The following ASXL2 variants were observed in gnomAD, a reference collection of about 807,000 sequenced individuals.
ASXL2 encodes ASXL transcriptional regulator 2.
A neutral mutation model predicts 122.0 loss-of-function variants in ASXL2; 23 were observed. The observed-to-expected ratio is 0.19, with a 90% CI of 0.14 to 0.27. The LOEUF is 0.27. ASXL2 is among the 10% of genes least tolerant of loss of function. The pLI is 1.00. For synonymous variants in ASXL2, 650 were observed against 637.0 expected (o/e 1.02, Z -0.31); for missense variants, 1,518 against 1,713.8 (o/e 0.89, Z 2.02).
rs1025415402 is a variant in ASXL2 at position 25,740,134 on chromosome 2, A to T, written c.*1895T>A. 4.9e-5 allele frequency: 11 copies of T among 223,922 alleles called. No individual in the cohort carries two copies. Among genetic ancestry groups the T allele is most frequent in the African/African-American group, 2.0e-4 (9 of 44,876 alleles). 13.9% of individuals were successfully genotyped at this position (223,922 alleles called of 1,614,324 possible). Reference sequence around the variant, plus strand: ...ATGGACAGACATATCGTTCTGGCTGAAGCTGGAACACAGATATTAATCCTA... The same window carrying T: ...ATGGACAGACATATCGTTCTGGCTGTAGCTGGAACACAGATATTAATCCTA... On this transcript the variant is annotated 3_prime_UTR_variant, in exon 13 of 13. Coordinates refer to ENST00000435504, the MANE Select transcript of ASXL2 (RefSeq NM_018263.6).
intron 8 of ASXL2, among the ~76,000 whole-genome samples, chr2:25,767,341 T>C (rs897085648): frequency 1.3e-5 from 2 of 152,178 alleles, no homozygotes; most frequent in African/African-American, 2.4e-5. Flanking sequence ...AACATGAACA[T>C]AGTCAAGAGC....
At chr2:25,759,108 C>G (rs1455742767) in intron 9 of ASXL2, among the ~76,000 whole-genome samples, 1 of 152,174 alleles carries the variant, frequency 6.6e-6, no homozygotes, top group African/African-American at 2.4e-5. Context: ...GCGCCCACCA[C>G]CACGCCTGGC....
chr2:25,808,933 T>C (rs1178650270), intron 3 of ASXL2, among the ~76,000 whole-genome samples: 1 of 152,048 alleles, frequency 6.6e-6, no homozygotes, highest in Admixed American at 6.5e-5. Context: ...CCACACACTG[T>C]ATAGGCTGTC....
rs371611834 is a variant in ASXL2, at chr2:25,779,199, C to T, written c.404-7659G>A. Among the ~76,000 whole-genome samples the T allele has an allele frequency of 1.0e-4, 15 of 144,590 alleles. No homozygotes were observed. The East Asian group carries it at 2.3e-3, about 22-fold the overall frequency. 94.9% of individuals were successfully genotyped at this position (144,590 alleles called of 152,430 possible). On this transcript the variant is annotated intron_variant, in intron 5 of 12. Transcript: ENST00000435504. Reference sequence around the variant, plus strand: ...CTGCCTCCACTTGATTGGGTTCAATCAATTCTCCTGTCTCAGCCTCCCGAG... The same window carrying T: ...CTGCCTCCACTTGATTGGGTTCAATTAATTCTCCTGTCTCAGCCTCCCGAG...
chr2:25,760,539 C>T (rs2088223941), intron 8 of ASXL2, among the ~76,000 whole-genome samples: 1 of 152,188 alleles, frequency 6.6e-6, no homozygotes, highest in Non-Finnish European at 1.5e-5. Flanking sequence ...GAAAATCTAA[C>T]AATATCTAGC....
chr2:25,822,942 C>T (rs767994850), intron 3 of ASXL2: 38 of 526,874 alleles, frequency 7.2e-5, no homozygotes, highest in East Asian at 2.1e-4. Context: ...AATGCCAGAT[C>T]GGGAGTAAGG....
chr2:25,825,561 T>A (rs1363750606), intron 3 of ASXL2, among the ~76,000 whole-genome samples: 1 of 152,226 alleles, frequency 6.6e-6, no homozygotes, highest in Non-Finnish European at 1.5e-5. Flanking sequence ...TTTGTCTGGC[T>A]TATTTCACTT....
chr2:25,768,989 A>G (rs2088400314), intron 6 of ASXL2, 121 bp from the exon 7 acceptor site: 6 of 1,197,424 alleles, frequency 5.0e-6, no homozygotes, highest in Admixed American at 2.8e-5. Flanking sequence ...GAAATCTATC[A>G]AAGCAAACAA....
At chr2:25,775,932 T>A (rs1453027760) in intron 5 of ASXL2, among the ~76,000 whole-genome samples, 1 of 152,228 alleles carries the variant, frequency 6.6e-6, no homozygotes, top group Non-Finnish European at 1.5e-5. Flanking sequence ...TTATTCTCTG[T>A]TTTCTTTTAA....
rs2087808526 is a variant in ASXL2 at position 25,740,383 on chromosome 2, G to GA, written c.*1645_*1646insT. On this transcript the variant is annotated 3_prime_UTR_variant, in exon 13 of 13. Transcript: ENST00000435504. ...TGACTTAACAAGTTTAAACTGTTCTGCATTTTGTAAATATCACATCCTGAA... is the reference window on the plus strand; with the variant it reads ...TGACTTAACAAGTTTAAACTGTTCTGACATTTTGTAAATATCACATCCTGAA... 2 of 225,088 alleles carry GA rather than the reference G, an allele frequency of 8.9e-6. No homozygotes were observed. The highest frequency in any genetic ancestry group is 3.6e-4 in the South Asian group (2 of 5,480). 13.9% of individuals were successfully genotyped at this position (225,088 alleles called of 1,614,324 possible). A position where few individuals can be genotyped will look rare whatever the true frequency, so the allele number is the denominator to read the frequency against.
At chr2:25,795,310 A>G (rs570221455) in intron 5 of ASXL2, among the ~76,000 whole-genome samples, 1 of 152,294 alleles carries the variant, frequency 6.6e-6, no homozygotes, top group South Asian at 2.1e-4. Context: ...CTCAAAAACA[A>G]TTGGACCCAA....
rs1200194526 is a variant in ASXL2 at position 25,756,475 on chromosome 2, A to G, written c.940-361T>C. The stretch of plus-strand genomic sequence containing the variant: ...TGACAAAAAAAAAAAGAAAAAAAAA[A>G]GAAAAAAAAAAAAGAAGGATGGACT... On this transcript the variant is annotated intron_variant, in intron 9 of 12. Coordinates refer to ENST00000435504, the MANE Select transcript of ASXL2 (RefSeq NM_018263.6). Among the ~76,000 whole-genome samples the G allele has an allele frequency of 3.1e-3, 454 of 146,368 alleles. 4 individuals carry two copies. The highest frequency in any genetic ancestry group is 0.011 in the African/African-American group (417 of 39,606).
intron 5 of ASXL2, among the ~76,000 whole-genome samples, chr2:25,795,481 T>TA (rs1177931699): frequency 6.6e-6 from 1 of 152,144 alleles, no homozygotes; most frequent in Non-Finnish European, 1.5e-5. Context: ...CTCAAATTCT[T>TA]AGAGACAGCC....
intron 5 of ASXL2, among the ~76,000 whole-genome samples, chr2:25,784,870 G>T (rs1283953015): frequency 6.6e-6 from 1 of 152,178 alleles, no homozygotes; most frequent in Non-Finnish European, 1.5e-5. Context: ...TGTACCAGAG[G>T]TTATGATTTC....
chr2:25,745,686 C>T (rs1269793106), intron 12 of ASXL2, among the ~76,000 whole-genome samples: 1 of 139,666 alleles, frequency 7.2e-6, no homozygotes, highest in African/African-American at 2.7e-5. Context: ...CTCTGTCACC[C>T]AGGCTGGAGT....
At chr2:25,783,552 TTTA>T (rs1312117935) in intron 5 of ASXL2, among the ~76,000 whole-genome samples, 9 of 152,148 alleles carry the variant, frequency 5.9e-5, no homozygotes, top group African/African-American at 2.2e-4. Context: ...ATTAGTTTAC[TTTA>T]TTATTCTTTT....
chr2:25,828,417 A>C (rs940514178), intron 3 of ASXL2, among the ~76,000 whole-genome samples: 11 of 148,546 alleles, frequency 7.4e-5, no homozygotes, highest in Non-Finnish European at 1.2e-4. Flanking sequence ...GAGGCAAGAG[A>C]CTCACTTGAA....
Position 25,750,284 on chromosome 2 carries a change from T to C in ASXL2, c.1272A>G (p.Pro424=), listed in dbSNP as rs1559500456. 1 of 1,614,048 alleles carries C rather than the reference T, an allele frequency of 6.2e-7. No homozygotes were observed. Among genetic ancestry groups the C allele is most frequent in the South Asian group, 1.1e-5 (1 of 91,088 alleles). Residue 424 remains proline, a synonymous_variant, in exon 12 of 13, where the codon CCA becomes CCG. Transcript: ENST00000435504. ...CTTTACACTCTGACTGGGAGACTAC[T>C]GGAACTATTCTGATAAGAGAGGCCT... is the stretch of plus-strand genomic sequence containing the variant. The part of the protein sequence containing the change: ...VSEASLIRIV[P]VVSQSECKEE...
At chr2:25,818,757 C>T (rs935481624) in intron 3 of ASXL2, among the ~76,000 whole-genome samples, 12 of 152,178 alleles carry the variant, frequency 7.9e-5, no homozygotes, top group Admixed American at 5.9e-4. Context: ...TATGCGGCAA[C>T]AGTGATAGGA....
Sources: gnomAD v4.1 joint callset for allele counts (sites outside exome capture counted in the v4.1 genomes callset) on GRCh38, gnomAD v4.1.1 for gene constraint, MANE v1.5 for transcripts, NCBI Gene and HGNC (gene_info 2026-07-23, HGNC 2026-07-21) for gene names.